MYH11: variants seen among roughly 807,000 people sequenced by gnomAD.
The protein encoded by MYH11 is myosin heavy chain 11.
In MYH11, 80 loss-of-function variants were observed where a neutral mutation model predicts 246.6. That is an observed-to-expected ratio of 0.32 (90% CI 0.27 to 0.39). The LOEUF is 0.39. MYH11 is among the 10% of genes least tolerant of loss of function. The pLI, the probability that MYH11 is intolerant of heterozygous loss-of-function variation, is 1.00. For missense variants in MYH11, 2,158 were observed against 2,546.8 expected, an observed-to-expected ratio of 0.85 and a Z score of 3.29; for synonymous variants, 1,071 against 1,015.5, an observed-to-expected ratio of 1.05 and a Z score of -1.04.
At chr16:15,712,532 G>C (rs750380267) in intron 40 of MYH11, among the ~76,000 whole-genome samples, 5 of 152,024 alleles carry the variant, frequency 3.3e-5, no homozygotes, top group Admixed American at 1.3e-4. Context: ...GGAGGCAGAG[G>C]TTGCAGTGAG....
At chr16:15,717,579 G>T (rs1025689184) in intron 37 of MYH11, 1 of 594,820 alleles carries the variant, frequency 1.7e-6, no homozygotes, top group African/African-American at 1.9e-5. Context: ...TAAATCACTT[G>T]AGCTCAGGAG....
intron 2 of MYH11, among the ~76,000 whole-genome samples, chr16:15,829,908 G>A (rs760657437): frequency 6.6e-6 from 1 of 152,180 alleles, no homozygotes; most frequent in African/African-American, 2.4e-5. Flanking sequence ...GCCAAGGTGG[G>A]TGGATCACCT....
intron 9 of MYH11, among the ~76,000 whole-genome samples, chr16:15,770,029 G>A (rs1733506889): frequency 6.6e-6 from 1 of 152,026 alleles, no homozygotes; most frequent in Non-Finnish European, 1.5e-5. Context: ...AAAAGGATTT[G>A]GTAAATTCCT....
In MYH11 at chr16:15,704,473, A is replaced by G. The variant is rs148190982; in HGVS notation, c.5787-350T>C. On this transcript the variant is annotated intron_variant, in intron 40 of 40. Transcript: ENST00000300036. ...TGTGGTCTTTGATTTAGAATAGGAA[A>G]AAAACGCCAAAAACCAAGCAGGGGA... Among the ~76,000 whole-genome samples, 735 of 152,318 alleles carry G rather than the reference A, an allele frequency of 4.8e-3. 4 individuals are homozygous for G. The highest frequency in any genetic ancestry group is 6.1e-3 in the Non-Finnish European group (413 of 68,036).
intron 8 of MYH11, chr16:15,775,736 A>T: frequency 3.4e-6 from 1 of 294,192 alleles, no homozygotes; most frequent in Non-Finnish European, 6.4e-6. Flanking sequence ...ATAAATTGGC[A>T]AGTAAGGCAA....
At chr16:15,813,599 A>G (rs185946058) in intron 3 of MYH11, among the ~76,000 whole-genome samples, 2 of 152,296 alleles carry the variant, frequency 1.3e-5, no homozygotes, top group East Asian at 3.9e-4. Flanking sequence ...AGAAGGCATG[A>G]GAGAATTCCC....
rs771004572 is a variant in MYH11, at chr16:15,735,392, G to A, written c.3480C>T (p.Asp1160=). 7 of 1,613,988 alleles carry A rather than the reference G, an allele frequency of 4.3e-6. No homozygotes were observed. The Admixed American group carries it at 1.2e-4, about 27-fold the overall frequency. Residue 1160 remains aspartate, a synonymous_variant, in exon 26 of 41, where the codon GAC becomes GAT. Coordinates refer to ENST00000300036, the MANE Select transcript of MYH11 (RefSeq NM_002474.3). ...TGAGCTCCTGCTGAGTGGCTGTGCT[G>A]TCCAGTGTGTCTTCCAGCTCTGTCT... is the stretch of plus-strand genomic sequence containing the variant. ...ALKTELEDTL[D]STATQQELRA...
intron 3 of MYH11, among the ~76,000 whole-genome samples, chr16:15,802,168 C>CT (rs2042902920): frequency 6.6e-6 from 1 of 152,058 alleles, no homozygotes; most frequent in Non-Finnish European, 1.5e-5. Flanking sequence ...GACCACAAAG[C>CT]TAAAAAAAGA....
chr16:15,758,963 C>CAA (rs564088648), intron 12 of MYH11, among the ~76,000 whole-genome samples: 95 of 97,362 alleles, frequency 9.8e-4, no homozygotes, highest in African/African-American at 3.0e-3. Flanking sequence ...GACTCTGTCT[C>CAA]AAAAAAAAAA....
At chr16:15,840,068 G>T (rs938203629) in intron 1 of MYH11, among the ~76,000 whole-genome samples, 5 of 151,856 alleles carry the variant, frequency 3.3e-5, no homozygotes, top group African/African-American at 1.2e-4. Flanking sequence ...TTAAAAAAAA[G>T]AGTTGCCAGT....
At chr16:15,715,137 C>G in intron 39 of MYH11, 27 bp downstream of exon 39, 1 of 1,612,486 alleles carries the variant, frequency 6.2e-7, no homozygotes, top group South Asian at 1.1e-5. Flanking sequence ...GCTGGGGGCT[C>G]GAGGGAGGCT....
chr16:15,706,821 T>C (rs1345071195), intron 40 of MYH11, among the ~76,000 whole-genome samples: 2 of 152,224 alleles, frequency 1.3e-5, no homozygotes, highest in Non-Finnish European at 2.9e-5. Context: ...CTGGAAAAGC[T>C]TAATGGATAA....
chr16:15,834,534 AAAAAAAG>A (rs548398714), intron 2 of MYH11, among the ~76,000 whole-genome samples: 3,864 of 151,926 alleles, frequency 0.025, 167 homozygotes, highest in African/African-American at 0.088. Context: ...CTCAAAAAAA[AAAAAAAG>A]AAGAAAGAAA....
intron 4 of MYH11, among the ~76,000 whole-genome samples, chr16:15,788,244 GTCT>G (rs1176681737): frequency 1.3e-5 from 2 of 151,346 alleles, no homozygotes; most frequent in East Asian, 1.9e-4. Context: ...CTTGTTTATC[GTCT>G]TCTTCTATTT....
In MYH11 at chr16:15,719,503, T is replaced by C. The variant is rs532601748; in HGVS notation, c.5082+82A>G. 3.7e-6 allele frequency: 6 copies of C among 1,601,750 alleles called. No individual in the cohort carries two copies. In the African/African-American group the frequency reaches 8.0e-5, roughly 21 times the overall value. The stretch of plus-strand genomic sequence containing the variant: ...CCCCAGAGGAGGACGAAATGAAATC[T>C]GGGAATGCACAGACTGGAGCTGCCA... On this transcript the variant is annotated intron_variant, in intron 35 of 40. Coordinates refer to ENST00000300036, the MANE Select transcript of MYH11 (RefSeq NM_002474.3).
At chr16:15,847,916 G>A (rs2044237495) in intron 1 of MYH11, among the ~76,000 whole-genome samples, 1 of 152,152 alleles carries the variant, frequency 6.6e-6, no homozygotes, top group South Asian at 2.1e-4. Flanking sequence ...CTGGGCTGGG[G>A]TGGAGCTGCG....
chr16:15,746,229 G>A (rs1454887115), intron 19 of MYH11, among the ~76,000 whole-genome samples: 1 of 152,096 alleles, frequency 6.6e-6, no homozygotes, highest in East Asian at 1.9e-4. Context: ...ACCCAGCCCT[G>A]TCAAACCTAT....
intron 19 of MYH11, among the ~76,000 whole-genome samples, chr16:15,746,408 A>C (rs1418535021): frequency 6.6e-6 from 1 of 152,152 alleles, no homozygotes; most frequent in Non-Finnish European, 1.5e-5. Flanking sequence ...AAATTGCCCC[A>C]GTTATCCAGG....
intron 3 of MYH11, among the ~76,000 whole-genome samples, chr16:15,808,471 C>A (rs1596876292): frequency 6.6e-6 from 1 of 152,192 alleles, no homozygotes; most frequent in African/African-American, 2.4e-5. Flanking sequence ...CTTTCTCCAG[C>A]CTTCATCTCC....
Sources: allele counts gnomAD v4.1 joint callset (sites outside exome capture counted in the v4.1 genomes callset), GRCh38; gene constraint gnomAD v4.1.1; transcripts MANE v1.5; gene names NCBI Gene and HGNC (gene_info 2026-07-23, HGNC 2026-07-21).